Variants in FBXW11 observed in about 807,000 individuals in gnomAD.
FBXW11 encodes F-box/WD repeat-containing protein 11.
Under a neutral mutation model 77.6 loss-of-function variants are expected in FBXW11, and 19 were observed. That is an observed-to-expected ratio of 0.24 (90% CI 0.17 to 0.36). The LOEUF (loss-of-function observed/expected upper bound fraction) is 0.36. Ranked by LOEUF, FBXW11 falls within the 10% of genes least tolerant of loss-of-function variation. The probability of loss-of-function intolerance (pLI) is 1.00; values close to 1 mark genes in which losing one functional copy is unlikely to be tolerated. For synonymous variants in FBXW11, 235 were observed against 249.4 expected (o/e 0.94, Z 0.54); for missense variants, 334 against 704.2 (o/e 0.47, Z 5.95).
rs839285 is a variant in FBXW11 at position 171,904,538 on chromosome 5, C to A, written c.437-4438G>T. Among the ~76,000 whole-genome samples the A allele has an allele frequency of 3.3e-5, 5 of 151,908 alleles. No individual in the cohort carries two copies. The highest frequency in any genetic ancestry group is 4.8e-5 in the African/African-American group (2 of 41,354). The stretch of plus-strand genomic sequence containing the variant: ...GACCTACAAAATCAGAATCTCTAGA[C>A]GGTAAGGCCCAGGAATCTGGGTGTG... On this transcript the variant is annotated intron_variant, in intron 4 of 13. Transcript: ENST00000517395. The surrounding 1 kb of genome is among the most constrained non-coding windows in gnomAD (Gnocchi z 4.0).
intron 2 of FBXW11, among the ~76,000 whole-genome samples, chr5:171,931,039 G>A (rs560487400): frequency 6.6e-6 from 1 of 152,224 alleles, no homozygotes; most frequent in Non-Finnish European, 1.5e-5. Flanking sequence ...CTAAATTAAT[G>A]AAGAGATATT....
At position 172,006,493 on chromosome 5, in the gene FBXW11, C is replaced by A. The variant is rs1243318371; in HGVS notation, c.10G>T (p.Asp4Tyr). The A allele has an allele frequency of 2.1e-5, 32 of 1,531,698 alleles. No individual in the cohort carries two copies. The highest frequency in any genetic ancestry group is 2.8e-5 in the Non-Finnish European group (32 of 1,140,144). The allele number at this position is 1,531,698 out of a possible 1,614,324, so 94.9% of individuals were successfully genotyped here. A position where few individuals can be genotyped will look rare whatever the true frequency, so the allele number is the denominator to read the frequency against. The change falls in exon 1 of 14, where the codon GAC becomes TAC. Residue 4 changes from aspartate (D) to tyrosine (Y), a missense_variant. Around this residue, in one of 10 missense-constraint regions of FBXW11, gnomAD observed 80 missense variants for 105.1 expected, o/e 0.76. Coordinates refer to ENST00000517395, the MANE Select transcript of FBXW11 (RefSeq NM_001378974.1). MEP[D>Y]SVIEDKTIEL... is the part of the protein sequence containing the mutation. Reference sequence around the variant, plus strand: ...ATGGTCTTGTCCTCAATCACCGAGTCGGGCTCCATGGCGGCCCCGGCGGCC... The same window carrying A: ...ATGGTCTTGTCCTCAATCACCGAGTAGGGCTCCATGGCGGCCCCGGCGGCC...
At chr5:171,877,703 G>C (rs1474243070) in intron 8 of FBXW11, among the ~76,000 whole-genome samples, 1 of 152,090 alleles carries the variant, frequency 6.6e-6, no homozygotes, top group African/African-American at 2.4e-5. Context: ...AGTGACTCCT[G>C]GAAGTGAGTG....
At chr5:171,890,926 GT>G (rs1453397984) in intron 7 of FBXW11, among the ~76,000 whole-genome samples, 1 of 152,052 alleles carries the variant, frequency 6.6e-6, no homozygotes, top group East Asian at 1.9e-4. Flanking sequence ...AAGTTATAAT[GT>G]TTTTTTACAA....
intron 1 of FBXW11, among the ~76,000 whole-genome samples, chr5:171,970,293 G>A (rs972603372): frequency 6.6e-6 from 1 of 152,176 alleles, no homozygotes; most frequent in Non-Finnish European, 1.5e-5. Context: ...GTTCTCAGGA[G>A]ATCTGATGGT....
intron 7 of FBXW11, among the ~76,000 whole-genome samples, chr5:171,883,881 T>C (rs1758698906): frequency 6.6e-6 from 1 of 152,176 alleles, no homozygotes; most frequent in Non-Finnish European, 1.5e-5. Context: ...TTTGTTTGAG[T>C]TCATTGTGTT....
chr5:171,966,068 A>G (rs1764172995), intron 1 of FBXW11, among the ~76,000 whole-genome samples: 1 of 152,156 alleles, frequency 6.6e-6, no homozygotes, highest in African/African-American at 2.4e-5. Flanking sequence ...AGGCCTCCCA[A>G]TCATGCTTCC....
chr5:171,951,628 T>C (rs1763322961), intron 2 of FBXW11, among the ~76,000 whole-genome samples: 1 of 152,074 alleles, frequency 6.6e-6, no homozygotes, highest in Non-Finnish European at 1.5e-5. Flanking sequence ...GTAGCTGAGA[T>C]TACAGGTGCA....
chr5:171,973,536 G>A (rs1581055165), intron 1 of FBXW11, among the ~76,000 whole-genome samples: 1 of 152,220 alleles, frequency 6.6e-6, no homozygotes, highest in South Asian at 2.1e-4. Flanking sequence ...GACAGTCTGA[G>A]AAACCATAAC....
Position 172,006,557 on chromosome 5 carries a change from CGGA to C in FBXW11, c.-58_-56del. 6.9e-7 allele frequency: 1 copy of C among 1,456,308 alleles called. No homozygotes were observed. Among genetic ancestry groups the C allele is most frequent in the Non-Finnish European group, 9.1e-7 (1 of 1,101,640 alleles). The allele number at this position is 1,456,308 out of a possible 1,614,324, so 90.2% of individuals were successfully genotyped here. On this transcript the variant is annotated 5_prime_UTR_variant, in exon 1 of 14. Transcript: ENST00000517395. ...CCCGCGCAGCAGCGAACGGCCCGGG[CGGA>C]GGAGGCGACGGCGGAGGCGGCAGAG...
chr5:171,903,502 AT>A (rs1252880788), intron 4 of FBXW11, among the ~76,000 whole-genome samples: 1 of 152,160 alleles, frequency 6.6e-6, no homozygotes, highest in Non-Finnish European at 1.5e-5. Context: ...CAAATTATTC[AT>A]CAGAATTTCA....
At chr5:171,965,346 G>A (rs1400619970) in intron 1 of FBXW11, among the ~76,000 whole-genome samples, 1 of 152,082 alleles carries the variant, frequency 6.6e-6, no homozygotes, top group Non-Finnish European at 1.5e-5. Context: ...CCAACATAGT[G>A]AAAGCCTGTC....
intron 1 of FBXW11, among the ~76,000 whole-genome samples, chr5:171,987,022 C>T (rs1485989368): frequency 2.0e-5 from 3 of 152,184 alleles, no homozygotes; most frequent in South Asian, 2.1e-4. Flanking sequence ...AAGCAGGAAC[C>T]CTACTGTGAA....
chr5:171,947,214 A>G (rs1459216520), intron 2 of FBXW11, among the ~76,000 whole-genome samples: 1 of 152,208 alleles, frequency 6.6e-6, no homozygotes, highest in Non-Finnish European at 1.5e-5. Flanking sequence ...TATGCCTAAC[A>G]CATAGTAAGA....
intron 6 of FBXW11, 149 bp from the exon 7 acceptor site, chr5:171,891,753 T>A (rs1347062638): frequency 1.7e-4 from 114 of 688,262 alleles, no homozygotes; most frequent in Non-Finnish European, 2.3e-5. Flanking sequence ...CATGCTCTTT[T>A]CCAAGTAAGA....
intron 10 of FBXW11, among the ~76,000 whole-genome samples, chr5:171,871,264 T>C (rs1757736158): frequency 6.6e-6 from 1 of 152,108 alleles, no homozygotes; most frequent in Non-Finnish European, 1.5e-5. Flanking sequence ...AGACAGGGAT[T>C]GTAGGCAGTA....
chr5:171,887,179 T>C lies in FBXW11; in HGVS notation c.852+4288A>G, dbSNP rs1758961021. On this transcript the variant is annotated intron_variant, in intron 7 of 13. Transcript: ENST00000517395. ...AAGCTGGAGACACAGCATGCAGTGT[T>C]ATCTAAACTTCCTTGGAGGGCATTA... 3.9e-5 allele frequency among the ~76,000 whole-genome samples: 6 copies of C among 152,268 alleles called. 1 individual carries two copies. The South Asian group carries it at 1.2e-3, about 32-fold the overall frequency.
intron 2 of FBXW11, among the ~76,000 whole-genome samples, chr5:171,921,068 A>C (rs903603354): frequency 6.6e-6 from 1 of 152,232 alleles, no homozygotes; most frequent in Non-Finnish European, 1.5e-5. Context: ...TGTGTCTGCT[A>C]TGGAATCTCA....
intron 13 of FBXW11, among the ~76,000 whole-genome samples, chr5:171,867,072 C>T (rs1168627757): frequency 6.6e-6 from 1 of 152,206 alleles, no homozygotes; most frequent in Non-Finnish European, 1.5e-5. Context: ...GCAACACACC[C>T]ACCAGTCACT....
Sources: gnomAD v4.1 joint callset for allele counts (sites outside exome capture counted in the v4.1 genomes callset) on GRCh38, gnomAD v4.1.1 for gene constraint, gnomAD v4.1.1 regional missense constraint, Gnocchi (gnomAD v3.1) non-coding constraint, MANE v1.5 for transcripts, NCBI Gene and HGNC (gene_info 2026-07-23, HGNC 2026-07-21) for gene names.